Variants in DGKB observed in about 807,000 individuals in gnomAD.
DGKB encodes the protein diacylglycerol kinase beta.
DGKB carries 67 observed loss-of-function variants against 114.3 expected under a neutral mutation model. The ratio of observed to expected loss-of-function variants is 0.59; its 90% confidence interval spans 0.48 to 0.72. The LOEUF (loss-of-function observed/expected upper bound fraction) is 0.72. DGKB is among the 30% of genes least tolerant of loss of function. DGKB has a pLI of 0.00. For missense variants in DGKB, 907 were observed against 975.2 expected (o/e 0.93, Z 0.93); for synonymous variants, 398 against 323.1 (o/e 1.23, Z -2.49).
At chr7:14,936,212 A>G (rs1785264759) in intron 1 of DGKB, among the ~76,000 whole-genome samples, 1 of 152,206 alleles carries the variant, frequency 6.6e-6, no homozygotes, top group Non-Finnish European at 1.5e-5. Flanking sequence ...GAACGTAGAA[A>G]AGTGATGAAG....
chr7:14,657,561 G>A (rs562255220), intron 13 of DGKB, among the ~76,000 whole-genome samples: 1 of 151,906 alleles, frequency 6.6e-6, no homozygotes, highest in South Asian at 2.1e-4. Context: ...AGGATTTCAA[G>A]GAAATAGATG....
intron 2 of DGKB, among the ~76,000 whole-genome samples, chr7:14,769,116 A>G (rs1294952891): frequency 2.6e-5 from 3 of 114,324 alleles, no homozygotes; most frequent in African/African-American, 1.4e-4. Flanking sequence ...AAAGAAAGAA[A>G]GAAAGAAAGA....
intron 23 of DGKB, among the ~76,000 whole-genome samples, chr7:14,319,308 T>C (rs1301887864): frequency 1.3e-5 from 2 of 151,282 alleles, no homozygotes; most frequent in Non-Finnish European, 2.9e-5. Context: ...AATATTGCAA[T>C]AAATGGAATG....
In DGKB at chr7:14,249,594, C is replaced by G. The variant is rs1584723014; in HGVS notation, c.2123-71443G>C. ...GAGTGTGTGTTCCTAGAAATTTAACCATTTTTTCAAGGTTATCTAATTTGT... is the reference window on the plus strand; with the variant it reads ...GAGTGTGTGTTCCTAGAAATTTAACGATTTTTTCAAGGTTATCTAATTTGT... On this transcript the variant is annotated intron_variant, in intron 23 of 25. Transcript: ENST00000402815. Among the ~76,000 whole-genome samples the G allele has an allele frequency of 2.0e-5, 3 of 152,010 alleles. No homozygotes were observed. The East Asian group carries it at 5.8e-4, about 29-fold the overall frequency.
At chr7:14,732,208 T>C (rs181012812) in intron 5 of DGKB, among the ~76,000 whole-genome samples, 1 of 150,860 alleles carries the variant, frequency 6.6e-6, no homozygotes, top group Non-Finnish European at 1.5e-5. Context: ...TTTTTTTTCC[T>C]TTTCAGTTTT....
intron 1 of DGKB, among the ~76,000 whole-genome samples, chr7:14,873,349 TA>T (rs1464005586): frequency 1.3e-4 from 20 of 152,106 alleles, no homozygotes; most frequent in Non-Finnish European, 2.9e-4. Flanking sequence ...ATTTTGTTCT[TA>T]ATCATGATAA....
intron 1 of DGKB, among the ~76,000 whole-genome samples, chr7:14,973,808 G>C (rs1787637595): frequency 6.8e-6 from 1 of 146,808 alleles, no homozygotes; most frequent in Non-Finnish European, 1.5e-5. Flanking sequence ...ATTTCAGATA[G>C]GTTGTGTATA....
At chr7:14,750,327 G>A in intron 4 of DGKB, 21 of 400,576 alleles carry the variant, frequency 5.2e-5, no homozygotes, top group Admixed American at 2.8e-4. Context: ...TGCCGTTTGA[G>A]AAAAAAAAGA....
intron 2 of DGKB, among the ~76,000 whole-genome samples, chr7:14,788,242 C>G (rs1453057413): frequency 6.6e-6 from 1 of 152,192 alleles, no homozygotes. Context: ...CAGAAAGAGC[C>G]CCATCCCTGA....
chr7:14,865,181 G>A (rs1423867923), intron 1 of DGKB, among the ~76,000 whole-genome samples: 1 of 152,110 alleles, frequency 6.6e-6, no homozygotes, highest in Non-Finnish European at 1.5e-5. Context: ...TTAGGGTTAA[G>A]AAAAAATGAG....
At position 14,718,396 on chromosome 7, in the gene DGKB, G is replaced by C. The variant is rs1483253220; in HGVS notation, c.466+146C>G. On this transcript the variant is annotated intron_variant, in intron 6 of 25. Transcript: ENST00000402815. ...CTTAATATCTTTTGTCTGATCCTCA[G>C]CAGGAGGAAATTTTTACTATTAAGC... is the stretch of plus-strand genomic sequence containing the variant. The C allele has an allele frequency of 5.2e-6, 3 of 571,864 alleles. No homozygotes were observed. The African/African-American group carries it at 5.8e-5, about 11-fold the overall frequency. The allele number at this position is 571,864 out of a possible 1,614,324, so 35.4% of individuals were successfully genotyped here. A position where few individuals can be genotyped will look rare whatever the true frequency, so the allele number is the denominator to read the frequency against.
At chr7:14,804,490 A>C (rs1450389489) in intron 2 of DGKB, among the ~76,000 whole-genome samples, 1 of 151,972 alleles carries the variant, frequency 6.6e-6, no homozygotes, top group Non-Finnish European at 1.5e-5. Flanking sequence ...TCCATCCATC[A>C]TTTGTCCATG....
intron 1 of DGKB, among the ~76,000 whole-genome samples, chr7:14,871,761 C>CA (rs923506132): frequency 1.3e-5 from 2 of 152,044 alleles, no homozygotes; most frequent in African/African-American, 4.8e-5. Context: ...TTATATTTTA[C>CA]AAAAATGTTA....
At chr7:14,901,672 A>G (rs1402315055) in intron 1 of DGKB, among the ~76,000 whole-genome samples, 1 of 127,392 alleles carries the variant, frequency 7.8e-6, no homozygotes, top group South Asian at 2.6e-4. Flanking sequence ...GGACCTGGTT[A>G]GGTACCCCAA....
At chr7:14,246,802 TTG>T (rs367636225) in intron 23 of DGKB, among the ~76,000 whole-genome samples, 2,548 of 151,872 alleles carry the variant, frequency 0.017, 63 homozygotes, top group African/African-American at 0.058. Flanking sequence ...TTGTTACCTT[TTG>T]TGTGTGTGTG....
intron 5 of DGKB, among the ~76,000 whole-genome samples, chr7:14,732,951 A>G (rs1831139288): frequency 1.3e-5 from 2 of 152,332 alleles, no homozygotes; most frequent in South Asian, 4.1e-4. Context: ...CATTATCCAG[A>G]AATATTTTCT....
intron 21 of DGKB, among the ~76,000 whole-genome samples, chr7:14,438,893 G>C (rs1311282361): frequency 6.6e-6 from 1 of 151,348 alleles, no homozygotes; most frequent in Non-Finnish European, 1.5e-5. Context: ...GTAGTGACCT[G>C]AATATACTCC....
At chr7:14,175,205 G>A (rs1252162321) in intron 25 of DGKB, among the ~76,000 whole-genome samples, 1 of 152,076 alleles carries the variant, frequency 6.6e-6, no homozygotes, top group Non-Finnish European at 1.5e-5. Context: ...TAACCTCCCA[G>A]AACTTGTATT....
chr7:14,918,699 G>C (rs984094803), intron 1 of DGKB, among the ~76,000 whole-genome samples: 1 of 152,064 alleles, frequency 6.6e-6, no homozygotes, highest in Non-Finnish European at 1.5e-5. Flanking sequence ...ATGTCAACTT[G>C]ATCTATGGAA....
Sources: gnomAD v4.1 joint callset for allele counts (sites outside exome capture counted in the v4.1 genomes callset) on GRCh38, gnomAD v4.1.1 for gene constraint, MANE v1.5 for transcripts, NCBI Gene and HGNC (gene_info 2026-07-23, HGNC 2026-07-21) for gene names.